The following UTS2B variants were observed in gnomAD, a reference collection of about 807,000 sequenced individuals.
UTS2B encodes the protein urotensin-2B.
A neutral mutation model predicts 19.2 loss-of-function variants in UTS2B; 21 were observed. The ratio of observed to expected loss-of-function variants is 1.09; its 90% CI spans 0.78 to 1.58. The LOEUF is 1.58. Among genes scored for constraint, UTS2B ranks in the 40% most tolerant of loss-of-function variants. UTS2B has a pLI of 0.00. For synonymous variants in UTS2B, 57 were observed against 50.2 expected (o/e 1.14, Z -0.58); for missense variants, 138 against 130.3 (o/e 1.06, Z -0.29).
intron 3 of UTS2B, among the ~76,000 whole-genome samples, chr3:191,307,663 T>C (rs1717177024): frequency 1.3e-5 from 2 of 152,158 alleles, no homozygotes; most frequent in African/African-American, 4.8e-5. Flanking sequence ...TTAACTTTCC[T>C]GCACTTTCAG....
intron 5 of UTS2B, among the ~76,000 whole-genome samples, chr3:191,281,388 C>A (rs61193081): frequency 0.55 from 82,534 of 151,194 alleles, 23,074 homozygotes; most frequent in Middle Eastern, 0.63. Flanking sequence ...ATCTAGCTCT[C>A]AGGATTCTCA....
chr3:191,302,896 G>C (rs976864777), intron 4 of UTS2B, among the ~76,000 whole-genome samples: 3 of 152,198 alleles, frequency 2.0e-5, no homozygotes, highest in Non-Finnish European at 2.9e-5. Context: ...GCATGAAGAG[G>C]CTCTCTCTAA....
chr3:191,268,383 T>G lies in UTS2B; in HGVS notation c.*33A>C, dbSNP rs1194883001. The G allele has an allele frequency of 1.3e-6, 2 of 1,530,052 alleles. No homozygotes were observed. 94.8% of individuals were successfully genotyped at this position (1,530,052 alleles called of 1,614,324 possible). On this transcript the variant is annotated 3_prime_UTR_variant, in exon 9 of 9. Transcript: ENST00000340524. ...AGTAGATACATATATTTTCCTGATA[T>G]TCTTATCTTTTTTTGCATCCAGAGA...
intron 2 of UTS2B, among the ~76,000 whole-genome samples, chr3:191,320,145 A>G (rs1717576960): frequency 6.6e-6 from 1 of 152,166 alleles, no homozygotes; most frequent in Admixed American, 6.5e-5. Flanking sequence ...GAGATAAAAA[A>G]AAAGAGTGGG....
chr3:191,292,879 T>G (rs369076411), intron 4 of UTS2B, among the ~76,000 whole-genome samples: 2 of 152,162 alleles, frequency 1.3e-5, no homozygotes, highest in Non-Finnish European at 2.9e-5. Context: ...TTACATTTTG[T>G]CAAATGCCTT....
At chr3:191,301,624 C>T (rs1268404135) in intron 4 of UTS2B, among the ~76,000 whole-genome samples, 1 of 151,636 alleles carries the variant, frequency 6.6e-6, no homozygotes, top group African/African-American at 2.4e-5. Flanking sequence ...GTAGCTGGGA[C>T]CACAGGCGCC....
At chr3:191,274,955 T>C (rs1716189666) in intron 8 of UTS2B, among the ~76,000 whole-genome samples, 1 of 152,256 alleles carries the variant, frequency 6.6e-6, no homozygotes, top group African/African-American at 2.4e-5. Flanking sequence ...TTTCTATTTG[T>C]GGTCTTTGCT....
intron 4 of UTS2B, among the ~76,000 whole-genome samples, chr3:191,289,653 T>C (rs149926348): frequency 1.3e-5 from 2 of 152,174 alleles, no homozygotes; most frequent in East Asian, 3.9e-4. Flanking sequence ...GCTTGAAGGA[T>C]ATTATGTTCA....
At chr3:191,330,170 C>G (rs146100100) in intron 1 of UTS2B, among the ~76,000 whole-genome samples, 2 of 152,192 alleles carry the variant, frequency 1.3e-5, no homozygotes, top group African/African-American at 2.4e-5. Flanking sequence ...CCCTCCTTCT[C>G]TCCCTACTTT....
intron 2 of UTS2B, among the ~76,000 whole-genome samples, chr3:191,321,143 G>A (rs1459367599): frequency 1.3e-5 from 2 of 152,158 alleles, no homozygotes; most frequent in Admixed American, 1.3e-4. Context: ...TTAAATGTTT[G>A]GAAAATGGGG....
intron 4 of UTS2B, among the ~76,000 whole-genome samples, chr3:191,287,478 A>T (rs761381700): frequency 6.6e-6 from 1 of 152,144 alleles, no homozygotes; most frequent in African/African-American, 2.4e-5. Flanking sequence ...GATCCACCGA[A>T]TTAATCGAAC....
intron 4 of UTS2B, among the ~76,000 whole-genome samples, chr3:191,284,534 C>T (rs866909857): frequency 1.3e-4 from 20 of 150,906 alleles, no homozygotes; most frequent in Middle Eastern, 3.4e-3. Flanking sequence ...GCTGGTCACA[C>T]GCTGGTCTTG....
Position 191,324,372 on chromosome 3 carries a change from G to T in UTS2B, c.-586+4259C>A, listed in dbSNP as rs1204221619. On this transcript the variant is annotated intron_variant, in intron 2 of 8. Coordinates refer to ENST00000340524, the MANE Select transcript of UTS2B (RefSeq NM_198152.5). ...AAATAGAGTAAGACAGATGGGATAG[G>T]GTGATATGGCTTGGCGATGTTCCCA... 3.3e-5 allele frequency among the ~76,000 whole-genome samples: 5 copies of T among 152,306 alleles called. No homozygotes were observed. The East Asian group carries it at 9.6e-4, about 29-fold the overall frequency.
At chr3:191,311,736 A>AG (rs1254276756) in intron 3 of UTS2B, among the ~76,000 whole-genome samples, 1 of 152,250 alleles carries the variant, frequency 6.6e-6, no homozygotes, top group Non-Finnish European at 1.5e-5. Context: ...TTAATGAGAC[A>AG]GTATCCTTTA....
At chr3:191,305,858 C>A (rs1192538636) in intron 3 of UTS2B, among the ~76,000 whole-genome samples, 1 of 152,014 alleles carries the variant, frequency 6.6e-6, no homozygotes, top group South Asian at 2.1e-4. Context: ...TAAGGAAGGG[C>A]CCAGTTTCAA....
At chr3:191,268,692 T>C (rs1048338196) in intron 8 of UTS2B, among the ~76,000 whole-genome samples, 7 of 152,340 alleles carry the variant, frequency 4.6e-5, no homozygotes, top group African/African-American at 1.4e-4. Flanking sequence ...CAATGGACAG[T>C]ACAAACTAGA....
chr3:191,342,640 T>G, the UTS2B span, among the ~76,000 whole-genome samples: 1 of 152,168 alleles, frequency 6.6e-6, no homozygotes, highest in South Asian at 2.1e-4. Context: ...ATGGGTGGCT[T>G]TTCTTTCTAG....
intron 3 of UTS2B, among the ~76,000 whole-genome samples, chr3:191,305,980 T>C (rs907578844): frequency 6.6e-6 from 1 of 152,142 alleles, no homozygotes; most frequent in Non-Finnish European, 1.5e-5. Flanking sequence ...TAGTTGTAGG[T>C]GTGCAGTCTA....
chr3:191,328,485 C>T (rs1717812082), intron 2 of UTS2B, 146 bp downstream of exon 2: 1 of 152,164 alleles, frequency 6.6e-6, no homozygotes, highest in Non-Finnish European at 1.5e-5. Context: ...ATATGTAACT[C>T]TTTATGTACC....
Sources: gnomAD v4.1 joint callset for allele counts (sites outside exome capture counted in the v4.1 genomes callset) on GRCh38, gnomAD v4.1.1 for gene constraint, MANE v1.5 for transcripts, NCBI Gene and HGNC (gene_info 2026-07-23, HGNC 2026-07-21) for gene names.